KCNH1: variants seen among roughly 807,000 people sequenced by gnomAD.
The protein encoded by KCNH1 is potassium voltage-gated channel subfamily H member 1, also known as voltage-gated delayed rectifier potassium channel KCNH1.
In KCNH1, 27 loss-of-function variants were observed where a neutral mutation model predicts 69.2. The ratio of observed to expected loss-of-function variants is 0.39; its 90% CI spans 0.29 to 0.54. KCNH1 has a LOEUF of 0.54. Ranked by LOEUF, KCNH1 falls within the 20% of genes least tolerant of loss-of-function variation. The pLI is 0.68. For synonymous variants in KCNH1, 456 were observed against 487.7 expected (o/e 0.93, Z 0.86); for missense variants, 798 against 1,261.6 (o/e 0.63, Z 5.57).
At chr1:211,112,200 C>T (rs1257056262) in intron 1 of KCNH1, among the ~76,000 whole-genome samples, 2 of 146,518 alleles carry the variant, frequency 1.4e-5, no homozygotes, top group South Asian at 2.2e-4. Flanking sequence ...GGCCTGCCTC[C>T]GCCCCGTCTG....
intron 10 of KCNH1, among the ~76,000 whole-genome samples, chr1:210,692,150 C>T (rs1681541282): frequency 6.6e-6 from 1 of 152,184 alleles, no homozygotes; most frequent in South Asian, 2.1e-4. Flanking sequence ...TTGTCTGACC[C>T]ATCAGTGACA....
intron 10 of KCNH1, among the ~76,000 whole-genome samples, chr1:210,720,693 T>C (rs1016758473): frequency 6.6e-6 from 1 of 152,210 alleles, no homozygotes; most frequent in African/African-American, 2.4e-5. Context: ...AATCATATAG[T>C]GGCATCATCA....
chr1:211,094,009 A>G (rs1691101458), intron 3 of KCNH1, among the ~76,000 whole-genome samples: 1 of 152,208 alleles, frequency 6.6e-6, no homozygotes, highest in South Asian at 2.1e-4. Context: ...TCACTTGCCT[A>G]CAGGTATAAA....
At chr1:211,012,776 T>G (rs1290382818) in intron 6 of KCNH1, among the ~76,000 whole-genome samples, 1 of 152,154 alleles carries the variant, frequency 6.6e-6, no homozygotes, top group Non-Finnish European at 1.5e-5. Context: ...ATAGGCTATA[T>G]GCTATATGAA....
intron 7 of KCNH1, among the ~76,000 whole-genome samples, chr1:210,821,400 C>T (rs879550529): frequency 2.6e-5 from 4 of 152,214 alleles, no homozygotes; most frequent in Admixed American, 2.6e-4. Flanking sequence ...ATTCCCACCC[C>T]ATCCCTCACT....
Position 210,859,949 on chromosome 1 carries a change from A to G in KCNH1, c.1463-55783T>C, listed in dbSNP as rs187505892. The G allele has an allele frequency of 7.1e-5, 112 of 1,575,032 alleles. No homozygotes were observed. The African/African-American group carries it at 1.4e-3, about 20-fold the overall frequency. On this transcript the variant is annotated intron_variant, in intron 7 of 10. Transcript: ENST00000271751. ...TTGCAACTTGCATACCCATAGTTCA[A>G]AGTTCACTTGTCTTAACCTCTCTTG...
intron 9 of KCNH1, among the ~76,000 whole-genome samples, chr1:210,784,222 A>G (rs1162459483): frequency 6.6e-6 from 1 of 152,244 alleles, no homozygotes; most frequent in South Asian, 2.1e-4. Flanking sequence ...CTCACATGGG[A>G]GAAGAGTAGG....
At chr1:210,799,422 C>A (rs1179687696) in intron 8 of KCNH1, among the ~76,000 whole-genome samples, 1 of 152,162 alleles carries the variant, frequency 6.6e-6, no homozygotes, top group Non-Finnish European at 1.5e-5. Flanking sequence ...AACATCTCAG[C>A]AGCATCTTGG....
intron 5 of KCNH1, among the ~76,000 whole-genome samples, chr1:211,033,043 A>G (rs182667914): frequency 0.026 from 4,036 of 152,334 alleles, 98 homozygotes; most frequent in South Asian, 0.061. Flanking sequence ...AGAATCTACA[A>G]TGAACTCAAA....
At chr1:210,771,171 C>T (rs1280933881) in intron 10 of KCNH1, among the ~76,000 whole-genome samples, 1 of 152,158 alleles carries the variant, frequency 6.6e-6, no homozygotes, top group Non-Finnish European at 1.5e-5. Flanking sequence ...GCGCATAGAC[C>T]TTGCACCCTA....
At chr1:210,964,561 G>A (rs779607193) in intron 6 of KCNH1, among the ~76,000 whole-genome samples, 5 of 152,098 alleles carry the variant, frequency 3.3e-5, no homozygotes, top group Non-Finnish European at 5.9e-5. Context: ...GGAAGAAGTC[G>A]AATGCCTGAA....
Position 210,927,372 on chromosome 1 carries a change from AC to A in KCNH1, c.1033-7304del, listed in dbSNP as rs1349173734. Among the ~76,000 whole-genome samples, 7 of 152,298 alleles carry A rather than the reference AC, an allele frequency of 4.6e-5. No homozygotes were observed. In the East Asian group the frequency reaches 1.3e-3, roughly 29 times the overall value. On this transcript the variant is annotated intron_variant, in intron 6 of 10. Transcript: ENST00000271751. ...ATTAACAGCAGATTTCTCAGCAGAA[AC>A]CCTACAAGCTAGAATGAACTAGGGT...
intron 7 of KCNH1, among the ~76,000 whole-genome samples, chr1:210,819,981 G>A (rs1331314744): frequency 6.6e-6 from 1 of 152,346 alleles, no homozygotes; most frequent in East Asian, 1.9e-4. Flanking sequence ...TCTTGGAAGT[G>A]GCTCCTCCAG....
chr1:211,084,561 C>T (rs1690918555), intron 4 of KCNH1, among the ~76,000 whole-genome samples: 1 of 152,228 alleles, frequency 6.6e-6, no homozygotes, highest in African/African-American at 2.4e-5. Context: ...ACTCTCTGGC[C>T]TAGCCCTGAT....
At chr1:210,793,800 A>G (rs552083812) in intron 9 of KCNH1, among the ~76,000 whole-genome samples, 1 of 152,346 alleles carries the variant, frequency 6.6e-6, no homozygotes, top group South Asian at 2.1e-4. Flanking sequence ...CTTTAAAGCA[A>G]TGGATATACA....
chr1:210,777,211 C>T (rs910732647), intron 9 of KCNH1, among the ~76,000 whole-genome samples: 5 of 152,146 alleles, frequency 3.3e-5, no homozygotes, highest in African/African-American at 1.2e-4. Flanking sequence ...CTTGACTTTA[C>T]CTCAAACATC....
chr1:211,094,344 C>T (rs1367958510), intron 3 of KCNH1, among the ~76,000 whole-genome samples: 1 of 152,172 alleles, frequency 6.6e-6, no homozygotes, highest in African/African-American at 2.4e-5. Flanking sequence ...TGCTATGTGG[C>T]CCAGTTCCTA....
chr1:210,948,725 C>T (rs1053868536), intron 6 of KCNH1, among the ~76,000 whole-genome samples: 4 of 151,250 alleles, frequency 2.6e-5, no homozygotes, highest in East Asian at 1.9e-4. Flanking sequence ...CCCAGCTACT[C>T]GGGAGGCTAA....
intron 6 of KCNH1, among the ~76,000 whole-genome samples, chr1:210,991,140 A>C (rs1328106799): frequency 6.6e-6 from 1 of 152,220 alleles, no homozygotes; most frequent in African/African-American, 2.4e-5. Flanking sequence ...TGTCAAAAAG[A>C]TATCTGCATG....
Sources: allele counts gnomAD v4.1 joint callset (sites outside exome capture counted in the v4.1 genomes callset), GRCh38; gene constraint gnomAD v4.1.1; transcripts MANE v1.5; gene names NCBI Gene and HGNC (gene_info 2026-07-23, HGNC 2026-07-21).